The following CREB5 variants were observed in gnomAD, a reference collection of about 807,000 sequenced individuals.
CREB5 encodes the protein cAMP responsive element binding protein 5.
In CREB5, 19 loss-of-function variants were observed where a neutral mutation model predicts 57.1. The ratio of observed to expected loss-of-function variants is 0.33; its 90% CI spans 0.23 to 0.49. CREB5 has a LOEUF of 0.49. Among genes scored for constraint, CREB5 ranks in the 20% least tolerant of loss-of-function variants. The pLI, the probability that CREB5 is intolerant of heterozygous loss-of-function variation, is 0.99. For missense variants in CREB5, 579 were observed against 671.6 expected, an observed-to-expected ratio of 0.86 and a Z score of 1.52; for synonymous variants, 238 against 238.3, an observed-to-expected ratio of 1.00 and a Z score of 0.01.
At chr7:28,768,934 G>A (rs1300540549) in intron 7 of CREB5, among the ~76,000 whole-genome samples, 1 of 152,130 alleles carries the variant, frequency 6.6e-6, no homozygotes, top group Middle Eastern at 3.2e-3. Flanking sequence ...CAGCCCCTCG[G>A]GCAAAGCAAG....
chr7:28,594,895 A>G (rs1289556269), intron 5 of CREB5, among the ~76,000 whole-genome samples: 1 of 152,028 alleles, frequency 6.6e-6, no homozygotes, highest in African/African-American at 2.4e-5. Context: ...GGCCACTTCC[A>G]CTATACAAGG....
intron 1 of CREB5, among the ~76,000 whole-genome samples, chr7:28,386,373 G>T (rs1474509095): frequency 1.3e-5 from 2 of 152,108 alleles, no homozygotes; most frequent in Non-Finnish European, 2.9e-5. Flanking sequence ...TCTGGCTTTT[G>T]TTGCCGCTGT....
chr7:28,570,394 G>A lies in CREB5; in HGVS notation c.321G>A (p.Gly107=). Residue 107 remains glycine (G), a synonymous_variant, in exon 5 of 11, where the codon GGG becomes GGA. Coordinates refer to ENST00000357727, the MANE Select transcript of CREB5 (RefSeq NM_182898.4). The part of the protein sequence containing the change: ...RNISMHNAVG[G]AMTGPGTHQL... Reference sequence around the variant, plus strand: ...TCTCGATGCATAATGCAGTTGGTGGGGCCATGACGGGGCCCGGAACTCACC... The same window carrying A: ...TCTCGATGCATAATGCAGTTGGTGGAGCCATGACGGGGCCCGGAACTCACC... 1 of 1,614,014 alleles carries A rather than the reference G, an allele frequency of 6.2e-7. No individual in the cohort carries two copies.
chr7:28,607,126 C>T (rs1271315374), intron 5 of CREB5, among the ~76,000 whole-genome samples: 1 of 152,176 alleles, frequency 6.6e-6, no homozygotes. Flanking sequence ...CCTTCCCAGA[C>T]TCAGTATCCT....
At chr7:28,812,545 T>C (rs1167799758) in intron 9 of CREB5, among the ~76,000 whole-genome samples, 2 of 152,156 alleles carry the variant, frequency 1.3e-5, no homozygotes, top group East Asian at 3.8e-4. Context: ...ACTGAGTTCA[T>C]GTAACAGGCA....
intron 1 of CREB5, among the ~76,000 whole-genome samples, chr7:28,317,477 T>C (rs1199199471): frequency 6.6e-6 from 1 of 152,218 alleles, no homozygotes; most frequent in African/African-American, 2.4e-5. Context: ...ATCTCTGAAT[T>C]TCTAAGGCAG....
At chr7:28,526,760 C>T (rs1793465568) in intron 4 of CREB5, among the ~76,000 whole-genome samples, 1 of 152,202 alleles carries the variant, frequency 6.6e-6, no homozygotes, top group Non-Finnish European at 1.5e-5. Flanking sequence ...GTGCTGCCTG[C>T]CTGGTGATCC....
intron 1 of CREB5, among the ~76,000 whole-genome samples, chr7:28,380,345 C>T (rs1786942895): frequency 6.6e-6 from 1 of 152,170 alleles, no homozygotes; most frequent in Non-Finnish European, 1.5e-5. Flanking sequence ...GGAGGCTGCT[C>T]ATCAACCTTT....
chr7:28,628,653 G>T (rs369016059), intron 5 of CREB5, among the ~76,000 whole-genome samples: 2 of 152,116 alleles, frequency 1.3e-5, no homozygotes, highest in Non-Finnish European at 2.9e-5. Context: ...TGGCCAAGGG[G>T]TGGGCTCTTA....
At chr7:28,645,660 T>C (rs1798863366) in intron 5 of CREB5, among the ~76,000 whole-genome samples, 1 of 152,230 alleles carries the variant, frequency 6.6e-6, no homozygotes, top group Admixed American at 6.5e-5. Context: ...ATGATGCTGG[T>C]ATGTACTAGG....
intron 1 of CREB5, among the ~76,000 whole-genome samples, chr7:28,472,156 A>AG (rs1278601263): frequency 1.0e-5 from 1 of 99,426 alleles, no homozygotes; most frequent in African/African-American, 3.2e-5. Flanking sequence ...TCAAAGCAAA[A>AG]AAAAAAAAAA....
chr7:28,314,213 G>A (rs1377987817), intron 1 of CREB5, among the ~76,000 whole-genome samples: 1 of 152,154 alleles, frequency 6.6e-6, no homozygotes, highest in East Asian at 1.9e-4. Flanking sequence ...TGCAGGTTTG[G>A]TGAAAAAGCT....
intron 4 of CREB5, among the ~76,000 whole-genome samples, chr7:28,552,844 A>G (rs1035941958): frequency 4.6e-5 from 7 of 152,220 alleles, no homozygotes; most frequent in South Asian, 4.1e-4. Flanking sequence ...CGAGGTAGGC[A>G]TGATCCTGGA....
rs73304919 is a variant in CREB5 at position 28,664,735 on chromosome 7, A to C, written c.465-54018A>C. Among the ~76,000 whole-genome samples, 302 of 152,126 alleles carry C rather than the reference A, an allele frequency of 2.0e-3. 1 individual carries two copies. Among genetic ancestry groups the C allele is most frequent in the Middle Eastern group, 6.8e-3 (2 of 294 alleles). On this transcript the variant is annotated intron_variant, in intron 5 of 10. Coordinates refer to ENST00000357727, the MANE Select transcript of CREB5 (RefSeq NM_182898.4). Reference sequence around the variant, plus strand: ...AAGATTCATAAAAGATTAGGAACAGAACTCTTCTAGTCTGCATTAATGCAT... The same window carrying C: ...AAGATTCATAAAAGATTAGGAACAGCACTCTTCTAGTCTGCATTAATGCAT...
At chr7:28,612,860 A>G (rs569279616) in intron 5 of CREB5, among the ~76,000 whole-genome samples, 16 of 152,284 alleles carry the variant, frequency 1.1e-4, no homozygotes, top group African/African-American at 3.8e-4. Flanking sequence ...ATGTTCAAAG[A>G]GTATAATGTT....
At chr7:28,620,866 G>A (rs187138597) in intron 5 of CREB5, among the ~76,000 whole-genome samples, 4 of 152,154 alleles carry the variant, frequency 2.6e-5, no homozygotes, top group South Asian at 2.1e-4. Context: ...TGATCCAGTC[G>A]GTATTAAAGA....
intron 1 of CREB5, among the ~76,000 whole-genome samples, chr7:28,352,693 C>T (rs895967873): frequency 2.0e-5 from 3 of 152,188 alleles, no homozygotes; most frequent in African/African-American, 7.2e-5. Flanking sequence ...TTCCTGGCAT[C>T]TCGTTTTCTT....
intron 1 of CREB5, among the ~76,000 whole-genome samples, chr7:28,368,352 A>AT (rs1218996325): frequency 1.3e-5 from 2 of 152,176 alleles, no homozygotes; most frequent in East Asian, 3.8e-4. Context: ...CATGTAACCA[A>AT]AAACCACCTG....
intron 5 of CREB5, among the ~76,000 whole-genome samples, chr7:28,620,658 C>T (rs1158606494): frequency 6.6e-6 from 1 of 152,166 alleles, no homozygotes; most frequent in Non-Finnish European, 1.5e-5. Flanking sequence ...TGGCCTCAGG[C>T]TCGCCCCATT....
Sources: allele counts gnomAD v4.1 joint callset (sites outside exome capture counted in the v4.1 genomes callset), GRCh38; gene constraint gnomAD v4.1.1; transcripts MANE v1.5; gene names NCBI Gene and HGNC (gene_info 2026-07-23, HGNC 2026-07-21).